The following H6PD variants were observed in gnomAD, a reference collection of about 807,000 sequenced individuals.
H6PD encodes the protein GDH/6PGL endoplasmic bifunctional protein.
A neutral mutation model predicts 61.2 loss-of-function variants in H6PD; 48 were observed. The ratio of observed to expected loss-of-function variants is 0.78; its 90% CI spans 0.62 to 1.00. The LOEUF (loss-of-function observed/expected upper bound fraction) is 1.00. Among genes scored for constraint, H6PD ranks in the 50% least tolerant of loss-of-function variants. The pLI, the probability that H6PD is intolerant of heterozygous loss-of-function variation, is 0.00. For missense variants in H6PD, 1,093 were observed against 1,065.0 expected (o/e 1.03, Z -0.37); for synonymous variants, 480 against 457.9 (o/e 1.05, Z -0.62).
At chr1:9,243,391 G>A (rs1207693048) in intron 1 of H6PD, among the ~76,000 whole-genome samples, 2 of 152,302 alleles carry the variant, frequency 1.3e-5, no homozygotes, top group East Asian at 3.9e-4. Context: ...TCCTTTACCT[G>A]GTAAATGCCT....
At chr1:9,250,619 C>T (rs1321918113) in intron 3 of H6PD, among the ~76,000 whole-genome samples, 1 of 152,178 alleles carries the variant, frequency 6.6e-6, no homozygotes, top group East Asian at 1.9e-4. Context: ...CTGCTCTCCA[C>T]CCCTGCAGTG....
Position 9,245,574 on chromosome 1 carries a change from A to G in H6PD, c.627+13A>G, listed in dbSNP as rs1641148104. On this transcript the variant is annotated intron_variant, in intron 2 of 4. Coordinates refer to ENST00000377403, the MANE Select transcript of H6PD (RefSeq NM_004285.4). This position sits in a 1 kb window ranked among gnomAD's most constrained non-coding sequence, Gnocchi z 4.8. Reference sequence around the variant, plus strand: ...CTTAGGCAAGCAGGTGAGCATCAGCATGGAGCCTGCCAGGGCTAGGGTGAG... The same window carrying G: ...CTTAGGCAAGCAGGTGAGCATCAGCGTGGAGCCTGCCAGGGCTAGGGTGAG... The G allele has an allele frequency of 1.2e-6, 2 of 1,613,734 alleles. No homozygotes were observed. The highest frequency in any genetic ancestry group is 1.7e-6 in the Non-Finnish European group (2 of 1,179,668).
At chr1:9,258,220 G>A (rs967571097) in intron 3 of H6PD, among the ~76,000 whole-genome samples, 1 of 152,210 alleles carries the variant, frequency 6.6e-6, no homozygotes, top group Non-Finnish European at 1.5e-5. Context: ...TTGTTATGTT[G>A]CTGTTGTTAC....
In H6PD at chr1:9,264,366, C is replaced by A. The variant is rs1638473620; in HGVS notation, c.1873C>A (p.Pro625Thr). Residue 625 changes from proline to threonine, a missense_variant, in exon 5 of 5, where the codon CCA becomes ACA. By Grantham distance (38) the Pro-to-Thr change is conservative. Transcript: ENST00000377403. ...HLWLVDERCV[P>T]LSDPESNFQG... ...GTGGCTGGTTGACGAGCGCTGCGTC[C>A]CACTCTCAGACCCGGAGTCCAACTT... 2 of 1,612,824 alleles carry A rather than the reference C, an allele frequency of 1.2e-6. No individual in the cohort carries two copies.
chr1:9,265,132 T>G lies in H6PD; in HGVS notation c.*263T>G. 1 of 570,294 alleles carries G rather than the reference T, an allele frequency of 1.8e-6. No individual in the cohort carries two copies. Among genetic ancestry groups the G allele is most frequent in the African/African-American group, 1.9e-5 (1 of 53,370 alleles). 35.3% of individuals were successfully genotyped at this position (570,294 alleles called of 1,614,324 possible). On this transcript the variant is annotated 3_prime_UTR_variant, in exon 5 of 5. Transcript: ENST00000377403. ...CAAATTCAGGCCAGGAGAGAAGTCT[T>G]AAGAAAAGACCTCCAGCAGTTACAC... is the stretch of plus-strand genomic sequence containing the variant.
chr1:9,247,036 A>T lies in H6PD; in HGVS notation c.698A>T (p.His233Leu). 6.2e-7 allele frequency: 1 copy of T among 1,613,926 alleles called. No individual in the cohort carries two copies. Among genetic ancestry groups the T allele is most frequent in the South Asian group, 1.1e-5 (1 of 91,066 alleles). ...TTGGACGGCCTCTGGAACCGGCACC[A>T]TGTGGAGCGGGTGGAGATCATCATG... ...KALDGLWNRHHVERVEIIMKE... is the reference protein window; with the variant it reads ...KALDGLWNRHLVERVEIIMKE... The change falls in exon 3 of 5, where the codon CAT (histidine) becomes CTT (leucine). Residue 233 changes from histidine (H) to leucine (L), a missense_variant. Transcript: ENST00000377403.
At chr1:9,247,192 C>G in intron 3 of H6PD, 109 bp downstream of exon 3, 2 of 802,330 alleles carry the variant, frequency 2.5e-6, no homozygotes, top group Non-Finnish European at 2.2e-6. Flanking sequence ...TGTGTGGTCT[C>G]CCTTCGAGCC....
chr1:9,259,286 C>T (rs1302489365), intron 3 of H6PD, among the ~76,000 whole-genome samples: 1 of 151,506 alleles, frequency 6.6e-6, no homozygotes, highest in African/African-American at 2.4e-5. Flanking sequence ...CCATGCCTGG[C>T]CACACCGGTG....
intron 3 of H6PD, among the ~76,000 whole-genome samples, chr1:9,248,545 C>T (rs932101474): frequency 2.6e-4 from 40 of 152,080 alleles, no homozygotes; most frequent in African/African-American, 9.2e-4. Context: ...CACCCGTAGT[C>T]CCAGCTACTC....
intron 1 of H6PD, among the ~76,000 whole-genome samples, chr1:9,239,105 G>A (rs1640926345): frequency 1.3e-5 from 2 of 151,764 alleles, no homozygotes; most frequent in African/African-American, 4.8e-5. Context: ...GGAGTGCAGT[G>A]GTGCAATCTC....
Position 9,245,566 on chromosome 1 carries a change from G to A in H6PD, c.627+5G>A. On this transcript the variant is annotated splice_donor_5th_base_variant and intron_variant, in intron 2 of 4. Transcript: ENST00000377403. This position sits in a 1 kb window ranked among gnomAD's most constrained non-coding sequence, Gnocchi z 4.8. ...GACCATTACTTAGGCAAGCAGGTGA[G>A]CATCAGCATGGAGCCTGCCAGGGCT... 6.2e-7 allele frequency: 1 copy of A among 1,613,914 alleles called. No homozygotes were observed. The highest frequency in any genetic ancestry group is 8.5e-7 in the Non-Finnish European group (1 of 1,179,838).
At position 9,266,053 on chromosome 1, in the gene H6PD, T is replaced by C. The variant is rs1638549120; in HGVS notation, c.*1184T>C. ...CCGCTCTCAATAGCCCCTCTTGTTT[T>C]ACCAGGAAAGATCCAGTTAAATCAC... On this transcript the variant is annotated 3_prime_UTR_variant, in exon 5 of 5. Transcript: ENST00000377403. 2 of 152,288 alleles carry C rather than the reference T, an allele frequency of 1.3e-5. No homozygotes were observed. The highest frequency in any genetic ancestry group is 2.9e-5 in the Non-Finnish European group (2 of 68,074). 9.4% of individuals were successfully genotyped at this position (152,288 alleles called of 1,614,324 possible). A position where few individuals can be genotyped will look rare whatever the true frequency, so the allele number is the denominator to read the frequency against.
At chr1:9,259,704 T>C (rs1184852553) in intron 3 of H6PD, among the ~76,000 whole-genome samples, 2 of 152,162 alleles carry the variant, frequency 1.3e-5, no homozygotes, top group South Asian at 2.1e-4. Context: ...TATGTTGCTG[T>C]TGTTACGCCA....
chr1:9,251,295 C>T (rs1641353738), intron 3 of H6PD, among the ~76,000 whole-genome samples: 1 of 152,176 alleles, frequency 6.6e-6, no homozygotes, highest in Admixed American at 6.5e-5. Flanking sequence ...GAGGTCTTGG[C>T]ACCTCAGAGC....
At chr1:9,251,491 C>G (rs547846045) in intron 3 of H6PD, among the ~76,000 whole-genome samples, 1 of 152,114 alleles carries the variant, frequency 6.6e-6, no homozygotes, top group South Asian at 2.1e-4. Flanking sequence ...AGGAGGGAGA[C>G]TTCCTGAGGA....
chr1:9,262,400 C>A, intron 4 of H6PD, 72 bp downstream of exon 4: 1 of 1,397,532 alleles, frequency 7.2e-7, no homozygotes, highest in South Asian at 1.2e-5. Context: ...AATGCAGACG[C>A]CCTTGGGTGG....
At chr1:9,260,190 G>T (rs1263458816) in intron 3 of H6PD, among the ~76,000 whole-genome samples, 5 of 151,444 alleles carry the variant, frequency 3.3e-5, no homozygotes, top group African/African-American at 1.2e-4. Context: ...TGTTATGCTG[G>T]TGTTGTTACA....
chr1:9,235,094 C>CGCG (rs1458248442), intron 1 of H6PD, 28 bp downstream of exon 1: 3 of 148,582 alleles, frequency 2.0e-5, no homozygotes, highest in Non-Finnish European at 4.5e-5. Flanking sequence ...GCCCCGCCGC[C>CGCG]GCCCCGGCCC....
chr1:9,244,523 A>G (rs556274696), intron 1 of H6PD, among the ~76,000 whole-genome samples: 37 of 152,324 alleles, frequency 2.4e-4, no homozygotes, highest in African/African-American at 8.4e-4. Flanking sequence ...ACCTGCCACT[A>G]TACCTAGGCT....
Sources: allele counts gnomAD v4.1 joint callset (sites outside exome capture counted in the v4.1 genomes callset), GRCh38; gene constraint gnomAD v4.1.1; non-coding constraint Gnocchi (gnomAD v3.1); transcripts MANE v1.5; gene names NCBI Gene and HGNC (gene_info 2026-07-23, HGNC 2026-07-21).